RBMS3: variants seen among roughly 807,000 people sequenced by gnomAD.
RBMS3 encodes RNA-binding motif, single-stranded-interacting protein 3.
A neutral mutation model predicts 66.8 loss-of-function variants in RBMS3; 27 were observed. The observed-to-expected ratio is 0.40, with a 90% CI of 0.30 to 0.56. The LOEUF (loss-of-function observed/expected upper bound fraction) is 0.56. Ranked by LOEUF, RBMS3 falls within the 20% of genes least tolerant of loss-of-function variation. The pLI is 0.40. For synonymous variants in RBMS3, 188 were observed against 183.0 expected (o/e 1.03, Z -0.22); for missense variants, 513 against 549.5 (o/e 0.93, Z 0.66).
intron 1 of RBMS3, among the ~76,000 whole-genome samples, chr3:29,398,382 C>CAA (rs1256078240): frequency 3.9e-5 from 6 of 152,124 alleles, no homozygotes; most frequent in African/African-American, 1.4e-4. Context: ...ACAAGAGAGG[C>CAA]AAATTCCTCT....
At chr3:29,865,718 G>A (rs1205694293) in intron 6 of RBMS3, among the ~76,000 whole-genome samples, 1 of 152,106 alleles carries the variant, frequency 6.6e-6, no homozygotes, top group Non-Finnish European at 1.5e-5. Flanking sequence ...ATGCCATATT[G>A]GGTCACTGAT....
At chr3:29,515,348 T>C (rs1005059210) in intron 3 of RBMS3, among the ~76,000 whole-genome samples, 3 of 152,178 alleles carry the variant, frequency 2.0e-5, no homozygotes, top group Non-Finnish European at 2.9e-5. Flanking sequence ...GTAAGTGATA[T>C]AATCTGAATG....
chr3:29,813,380 T>G (rs1559698285), intron 6 of RBMS3, among the ~76,000 whole-genome samples: 1 of 152,196 alleles, frequency 6.6e-6, no homozygotes, highest in Non-Finnish European at 1.5e-5. Context: ...AAGAAAGTAC[T>G]GATGCCTGAT....
intron 3 of RBMS3, among the ~76,000 whole-genome samples, chr3:29,542,246 A>C (rs146752558): frequency 1.7e-4 from 26 of 152,248 alleles, no homozygotes; most frequent in African/African-American, 6.3e-4. Context: ...TTTTGCTTAA[A>C]ATAAATGTAG....
chr3:29,751,690 C>T (rs1290304648), intron 5 of RBMS3, among the ~76,000 whole-genome samples: 1 of 152,158 alleles, frequency 6.6e-6, no homozygotes, highest in African/African-American at 2.4e-5. Context: ...AAGATTTACT[C>T]AAATCATGTG....
intron 4 of RBMS3, among the ~76,000 whole-genome samples, chr3:29,603,470 A>G (rs539319666): frequency 2.6e-5 from 4 of 152,050 alleles, no homozygotes; most frequent in South Asian, 4.1e-4. Context: ...TTTGCCCACC[A>G]TAGAGGACAT....
intron 13 of RBMS3, among the ~76,000 whole-genome samples, 166 bp from the exon 14 acceptor site, chr3:29,990,916 C>T (rs1698820758): frequency 6.6e-6 from 1 of 152,160 alleles, no homozygotes; most frequent in Admixed American, 6.5e-5. Context: ...TTACTTAGCC[C>T]TTATCTAAAT....
intron 12 of RBMS3, among the ~76,000 whole-genome samples, chr3:29,977,329 A>C (rs1697656262): frequency 6.6e-6 from 1 of 152,128 alleles, no homozygotes; most frequent in Non-Finnish European, 1.5e-5. Flanking sequence ...TAAAATAAAA[A>C]GTTTCCTCAC....
At chr3:29,990,537 T>TTAAAACTTCTTGATGAC (rs1262367815) in intron 13 of RBMS3, among the ~76,000 whole-genome samples, 1 of 151,560 alleles carries the variant, frequency 6.6e-6, no homozygotes, top group African/African-American at 2.4e-5. Flanking sequence ...TGTTGTTTTC[T>TTAAAACTTCTTGATGAC]TAAAACTTCT....
intron 6 of RBMS3, among the ~76,000 whole-genome samples, chr3:29,799,064 T>C (rs1420868354): frequency 6.6e-6 from 1 of 152,114 alleles, no homozygotes; most frequent in Non-Finnish European, 1.5e-5. Context: ...TTAAGCGATG[T>C]CATTGATTTA....
chr3:29,711,340 G>T (rs545482791), intron 4 of RBMS3, among the ~76,000 whole-genome samples: 20 of 152,206 alleles, frequency 1.3e-4, no homozygotes, highest in African/African-American at 4.8e-4. Flanking sequence ...TTGTTCCTTA[G>T]ACTGTTCCTG....
intron 6 of RBMS3, among the ~76,000 whole-genome samples, chr3:29,781,724 G>A (rs532302575): frequency 5.9e-4 from 90 of 152,176 alleles, no homozygotes; most frequent in African/African-American, 2.0e-3. Context: ...GGGGAGGCTA[G>A]TGGTCTAGGG....
chr3:29,520,545 A>G (rs2044816601), intron 3 of RBMS3, among the ~76,000 whole-genome samples: 1 of 152,216 alleles, frequency 6.6e-6, no homozygotes, highest in Admixed American at 6.5e-5. Context: ...AAAGTTGTGC[A>G]AGGTTTACAC....
chr3:29,713,943 T>C (rs1238116167), intron 4 of RBMS3, among the ~76,000 whole-genome samples: 4 of 152,020 alleles, frequency 2.6e-5, no homozygotes, highest in Non-Finnish European at 5.9e-5. Flanking sequence ...TAGTCCCAGC[T>C]ACTCTGGAGG....
At chr3:29,549,941 T>TTA (rs911444031) in intron 3 of RBMS3, among the ~76,000 whole-genome samples, 10 of 151,890 alleles carry the variant, frequency 6.6e-5, no homozygotes, top group Admixed American at 2.0e-4. Context: ...GTCCTTGCTC[T>TTA]TATATATATA....
chr3:29,648,989 G>A (rs367828960), intron 4 of RBMS3, among the ~76,000 whole-genome samples: 13 of 152,206 alleles, frequency 8.5e-5, no homozygotes, highest in Middle Eastern at 3.4e-3. Flanking sequence ...TAAAGAAGGC[G>A]CCCTTAAGCC....
At chr3:29,617,950 G>GTA (rs959429329) in intron 4 of RBMS3, among the ~76,000 whole-genome samples, 6 of 152,094 alleles carry the variant, frequency 3.9e-5, no homozygotes, top group Non-Finnish European at 7.4e-5. Flanking sequence ...ATGTGTGTGT[G>GTA]TATATATATT....
intron 6 of RBMS3, among the ~76,000 whole-genome samples, chr3:29,861,586 T>A (rs1014189226): frequency 2.0e-5 from 3 of 152,224 alleles, no homozygotes; most frequent in African/African-American, 7.2e-5. Context: ...TAAAGAACAT[T>A]TTAGTGACTT....
At chr3:29,605,000 A>C (rs190893421) in intron 4 of RBMS3, among the ~76,000 whole-genome samples, 37 of 152,004 alleles carry the variant, frequency 2.4e-4, no homozygotes, top group African/African-American at 8.9e-4. Flanking sequence ...TCTTATAATG[A>C]CTTTCTTTTC....
Sources: allele counts gnomAD v4.1 joint callset (sites outside exome capture counted in the v4.1 genomes callset), GRCh38; gene constraint gnomAD v4.1.1; transcripts MANE v1.5; gene names NCBI Gene and HGNC (gene_info 2026-07-23, HGNC 2026-07-21).